The following CACNA2D3 variants were observed in gnomAD, a reference collection of about 807,000 sequenced individuals.
CACNA2D3 encodes the protein calcium voltage-gated channel auxiliary subunit alpha2delta 3.
Under a neutral mutation model 160.6 loss-of-function variants are expected in CACNA2D3, and 60 were observed. That is an observed-to-expected ratio of 0.37 (90% confidence interval 0.30 to 0.46). CACNA2D3 has a LOEUF of 0.46. Ranked by LOEUF, CACNA2D3 falls within the 20% of genes least tolerant of loss-of-function variation. The pLI, the probability that CACNA2D3 is intolerant of heterozygous loss-of-function variation, is 1.00. For synonymous variants in CACNA2D3, 558 were observed against 492.9 expected, an observed-to-expected ratio of 1.13 and a Z score of -1.75; for missense variants, 1,205 against 1,365.0, an observed-to-expected ratio of 0.88 and a Z score of 1.85.
chr3:54,902,091 C>T (rs1210785531), intron 27 of CACNA2D3, among the ~76,000 whole-genome samples: 1 of 152,178 alleles, frequency 6.6e-6, no homozygotes, highest in Non-Finnish European at 1.5e-5. Flanking sequence ...GCCCCAACAG[C>T]AGATGGGAGA....
At chr3:54,539,476 A>G (rs560018121) in intron 5 of CACNA2D3, among the ~76,000 whole-genome samples, 209 of 152,264 alleles carry the variant, frequency 1.4e-3, no homozygotes, top group Non-Finnish European at 2.6e-3. Flanking sequence ...TGTATGTGCT[A>G]AATGTTTTCT....
intron 27 of CACNA2D3, among the ~76,000 whole-genome samples, chr3:54,928,430 G>T (rs1701091240): frequency 6.6e-6 from 1 of 152,178 alleles, no homozygotes; most frequent in Admixed American, 6.5e-5. Context: ...TGCTGGACGG[G>T]ACCCTCACCT....
intron 2 of CACNA2D3, among the ~76,000 whole-genome samples, chr3:54,168,785 A>G (rs1700504061): frequency 6.6e-6 from 1 of 152,178 alleles, no homozygotes. Flanking sequence ...CCAGCATTCC[A>G]CAGAGTCCAA....
At chr3:54,688,717 G>T (rs1206334886) in intron 11 of CACNA2D3, among the ~76,000 whole-genome samples, 1 of 150,378 alleles carries the variant, frequency 6.6e-6, no homozygotes, top group Non-Finnish European at 1.5e-5. Flanking sequence ...GTTAATAATT[G>T]TAAGGCCGGG....
chr3:54,958,979 T>TATTAC (rs1468056513), intron 27 of CACNA2D3, among the ~76,000 whole-genome samples: 1 of 152,106 alleles, frequency 6.6e-6, no homozygotes, highest in Non-Finnish European at 1.5e-5. Flanking sequence ...CACATGCCTG[T>TATTAC]AGTCCTAGCT....
intron 2 of CACNA2D3, among the ~76,000 whole-genome samples, chr3:54,163,970 C>T (rs1700399280): frequency 6.6e-6 from 1 of 152,146 alleles, no homozygotes; most frequent in South Asian, 2.1e-4. Context: ...AGGGAATAGC[C>T]CACGGGCTAA....
chr3:54,793,574 C>G (rs1015504395), intron 13 of CACNA2D3, among the ~76,000 whole-genome samples: 29 of 151,700 alleles, frequency 1.9e-4, no homozygotes, highest in Admixed American at 1.3e-4. Context: ...GAGCAGCAAC[C>G]ACTCTTGGTG....
chr3:54,344,576 T>A (rs374704099), intron 3 of CACNA2D3, among the ~76,000 whole-genome samples: 1 of 152,194 alleles, frequency 6.6e-6, no homozygotes, highest in East Asian at 1.9e-4. Context: ...TTTCTCTAGG[T>A]GGAGACAGAC....
chr3:55,027,475 T>C (rs1314657794), intron 35 of CACNA2D3, among the ~76,000 whole-genome samples: 1 of 152,178 alleles, frequency 6.6e-6, no homozygotes, highest in Non-Finnish European at 1.5e-5. Context: ...GACCCATAGA[T>C]GTACAATGGC....
At position 54,149,930 on chromosome 3, in the gene CACNA2D3, T is replaced by TCTCTCTCTCTCTCTCTCTCTCTCTCC. The variant is rs1559863338; in HGVS notation, c.204+26337_204+26338insTCTCTCTCTCTCTCTCTCTCTCTCCC. Among the ~76,000 whole-genome samples, 4 of 40,426 alleles carry TCTCTCTCTCTCTCTCTCTCTCTCTCC rather than the reference T, an allele frequency of 9.9e-5. 1 individual carries two copies. Among genetic ancestry groups the TCTCTCTCTCTCTCTCTCTCTCTCTCC allele is most frequent in the Admixed American group, 2.4e-4 (1 of 4,252 alleles). 26.5% of individuals were successfully genotyped at this position (40,426 alleles called of 152,430 possible). The stretch of plus-strand genomic sequence containing the variant: ...CTCTCTCTCTCTCTCTCTCTCTCTC[T>TCTCTCTCTCTCTCTCTCTCTCTCTCC]CCCTCCCTCCCTCCCTCCCTCCCTC... On this transcript the variant is annotated intron_variant, in intron 2 of 37. Coordinates refer to ENST00000474759, the MANE Select transcript of CACNA2D3 (RefSeq NM_018398.3).
At chr3:54,363,180 C>T (rs554995614) in intron 3 of CACNA2D3, among the ~76,000 whole-genome samples, 4 of 151,004 alleles carry the variant, frequency 2.6e-5, no homozygotes, top group Admixed American at 6.6e-5. Context: ...AGCGATAGAG[C>T]GAGACTCCAT....
chr3:54,479,797 A>G (rs1167781544), intron 4 of CACNA2D3, among the ~76,000 whole-genome samples: 1 of 152,218 alleles, frequency 6.6e-6, no homozygotes, highest in African/African-American at 2.4e-5. Flanking sequence ...TGATTAAATG[A>G]TGTATTTAAA....
chr3:54,146,747 G>T (rs746202523), intron 2 of CACNA2D3, among the ~76,000 whole-genome samples: 5 of 152,226 alleles, frequency 3.3e-5, no homozygotes, highest in African/African-American at 4.8e-5. Flanking sequence ...GGAGTCTGCG[G>T]GGTGTCACCG....
chr3:54,778,810 C>G (rs1206598961), intron 13 of CACNA2D3, among the ~76,000 whole-genome samples: 2 of 152,158 alleles, frequency 1.3e-5, no homozygotes, highest in Non-Finnish European at 2.9e-5. Context: ...ATGGCATCTT[C>G]TCCAACATTT....
At chr3:54,665,253 C>T (rs1700041325) in intron 11 of CACNA2D3, among the ~76,000 whole-genome samples, 2 of 152,118 alleles carry the variant, frequency 1.3e-5, no homozygotes, top group African/African-American at 4.8e-5. Flanking sequence ...CGCTTAATGC[C>T]AAAATGAAAT....
chr3:54,936,249 T>C (rs1471710654), intron 27 of CACNA2D3, among the ~76,000 whole-genome samples: 1 of 152,210 alleles, frequency 6.6e-6, no homozygotes, highest in African/African-American at 2.4e-5. Context: ...ACTAGGTACT[T>C]AGATTGTATC....
chr3:54,525,431 G>A (rs1701710187), intron 5 of CACNA2D3, among the ~76,000 whole-genome samples: 1 of 152,050 alleles, frequency 6.6e-6, no homozygotes, highest in African/African-American at 2.4e-5. Flanking sequence ...TTTTTGTCTT[G>A]TGACTTTGAA....
intron 4 of CACNA2D3, among the ~76,000 whole-genome samples, chr3:54,445,553 T>TACACACACACAC (rs1371255357): frequency 6.1e-5 from 2 of 32,936 alleles, no homozygotes; most frequent in African/African-American, 2.0e-4. Context: ...TATTTCTATG[T>TACACACACACAC]ATACACACAC....
chr3:54,402,622 C>T (rs6807056), intron 4 of CACNA2D3, among the ~76,000 whole-genome samples: 2,279 of 152,086 alleles, frequency 0.015, 46 homozygotes, highest in African/African-American at 0.052. Flanking sequence ...AATCTGAGAG[C>T]ACCTAAGACA....
Sources: allele counts gnomAD v4.1 joint callset (sites outside exome capture counted in the v4.1 genomes callset), GRCh38; gene constraint gnomAD v4.1.1; transcripts MANE v1.5; gene names NCBI Gene and HGNC (gene_info 2026-07-23, HGNC 2026-07-21).